SPAG17: variants seen among roughly 807,000 people sequenced by gnomAD.
The protein encoded by SPAG17 is sperm-associated antigen 17.
A neutral mutation model predicts 273.6 loss-of-function variants in SPAG17; 169 were observed. The ratio of observed to expected loss-of-function variants is 0.62; its 90% CI spans 0.55 to 0.70. The LOEUF (loss-of-function observed/expected upper bound fraction) is 0.70. SPAG17 is among the 30% of genes least tolerant of loss of function. The pLI is 0.00. For missense variants in SPAG17, 2,557 were observed against 2,627.8 expected (o/e 0.97, Z 0.59); for synonymous variants, 825 against 873.2 (o/e 0.94, Z 0.97).
chr1:118,127,032 C>T (rs1657775496), intron 3 of SPAG17, among the ~76,000 whole-genome samples: 1 of 152,102 alleles, frequency 6.6e-6, no homozygotes, highest in Admixed American at 6.5e-5. Context: ...TATTCTGTTC[C>T]ATTGGTCTGT....
At chr1:118,034,359 A>ACAAG (rs1648823182) in intron 24 of SPAG17, among the ~76,000 whole-genome samples, 2 of 152,202 alleles carry the variant, frequency 1.3e-5, no homozygotes, top group Non-Finnish European at 2.9e-5. Flanking sequence ...TACTGTGGCT[A>ACAAG]TACTGAACAC....
intron 15 of SPAG17, 124 bp downstream of exon 15, chr1:118,080,977 A>G: frequency 1.3e-6 from 1 of 757,306 alleles, no homozygotes; most frequent in Non-Finnish European, 2.2e-6. Flanking sequence ...ACTCAGTAAG[A>G]AAGTTTAATT....
At chr1:118,076,012 G>A (rs1043956107) in intron 15 of SPAG17, among the ~76,000 whole-genome samples, 5 of 151,930 alleles carry the variant, frequency 3.3e-5, no homozygotes, top group African/African-American at 1.2e-4. Flanking sequence ...CTGGAGAATA[G>A]AAACTTCATC....
chr1:118,045,316 C>T (rs1650227839), intron 20 of SPAG17, among the ~76,000 whole-genome samples: 1 of 152,164 alleles, frequency 6.6e-6, no homozygotes, highest in African/African-American at 2.4e-5. Context: ...CCCCAAACCC[C>T]TCAGGAGGGA....
chr1:118,063,791 A>T (rs1652624054), intron 18 of SPAG17, among the ~76,000 whole-genome samples: 1 of 152,216 alleles, frequency 6.6e-6, no homozygotes, highest in Non-Finnish European at 1.5e-5. Flanking sequence ...CATCAGAGTG[A>T]ACAGGCAACC....
intron 3 of SPAG17, among the ~76,000 whole-genome samples, chr1:118,119,936 C>T (rs551045789): frequency 3.3e-5 from 5 of 152,192 alleles, no homozygotes; most frequent in African/African-American, 4.8e-5. Flanking sequence ...GTTTTGCTTA[C>T]GTATATGGTT....
At chr1:118,023,798 T>C (rs1338758412) in intron 27 of SPAG17, among the ~76,000 whole-genome samples, 1 of 152,218 alleles carries the variant, frequency 6.6e-6, no homozygotes, top group Non-Finnish European at 1.5e-5. Flanking sequence ...GGAAATTATA[T>C]ACTCTATTTC....
chr1:118,108,060 G>A (rs375600882), intron 4 of SPAG17, among the ~76,000 whole-genome samples: 102 of 152,226 alleles, frequency 6.7e-4, no homozygotes, highest in Non-Finnish European at 1.0e-3. Flanking sequence ...GATCCAGGTC[G>A]AGATGTCTTT....
At chr1:117,997,988 G>C (rs1657846813) in intron 32 of SPAG17, among the ~76,000 whole-genome samples, 1 of 152,136 alleles carries the variant, frequency 6.6e-6, no homozygotes, top group Admixed American at 6.6e-5. Flanking sequence ...CTCCCATTCT[G>C]TAGGTTGTCT....
intron 1 of SPAG17, among the ~76,000 whole-genome samples, chr1:118,178,721 T>G (rs575231944): frequency 6.6e-6 from 1 of 152,016 alleles, no homozygotes; most frequent in East Asian, 1.9e-4. Context: ...AGAACTGATA[T>G]ATTCAGTAAA....
intron 48 of SPAG17, among the ~76,000 whole-genome samples, chr1:117,957,738 A>T (rs1652427947): frequency 6.6e-6 from 1 of 152,114 alleles, no homozygotes; most frequent in African/African-American, 2.4e-5. Context: ...AGTGTATTTT[A>T]TGTGTGGCCC....
At chr1:118,028,880 T>C (rs556375459) in intron 25 of SPAG17, among the ~76,000 whole-genome samples, 1 of 152,292 alleles carries the variant, frequency 6.6e-6, no homozygotes, top group African/African-American at 2.4e-5. Flanking sequence ...GGATTAGTGC[T>C]TTTAAAGAAG....
chr1:117,959,895 CA>C (rs1373343396), intron 48 of SPAG17: 1 of 152,514 alleles, frequency 6.6e-6, no homozygotes, highest in Non-Finnish European at 1.5e-5. Context: ...GCCCTTTGGC[CA>C]TAAAAATGCA....
intron 18 of SPAG17, among the ~76,000 whole-genome samples, chr1:118,066,528 T>C (rs1019854602): frequency 2.0e-5 from 3 of 152,216 alleles, no homozygotes; most frequent in African/African-American, 7.2e-5. Context: ...GAATGACACC[T>C]GTTTTCTTTA....
intron 20 of SPAG17, among the ~76,000 whole-genome samples, chr1:118,050,644 G>C (rs1384623381): frequency 6.6e-6 from 1 of 152,166 alleles, no homozygotes; most frequent in African/African-American, 2.4e-5. Context: ...CAAAATTGAG[G>C]AAGACCAAGT....
chr1:118,039,157 T>C, intron 23 of SPAG17, 135 bp downstream of exon 23: 2 of 912,920 alleles, frequency 2.2e-6, no homozygotes, highest in Admixed American at 5.3e-5. Flanking sequence ...GGCAACTTCA[T>C]GCACTATTAA....
intron 3 of SPAG17, among the ~76,000 whole-genome samples, chr1:118,123,690 G>A (rs1657545786): frequency 6.6e-6 from 1 of 152,156 alleles, no homozygotes; most frequent in Non-Finnish European, 1.5e-5. Context: ...AATAATTCCA[G>A]TCATTGGACC....
intron 36 of SPAG17, among the ~76,000 whole-genome samples, chr1:117,991,746 G>A (rs937853337): frequency 7.9e-5 from 12 of 152,182 alleles, no homozygotes; most frequent in African/African-American, 2.9e-4. Context: ...AAGGGCCACA[G>A]GATAGAACTG....
intron 40 of SPAG17, among the ~76,000 whole-genome samples, chr1:117,987,023 C>A (rs1162797722): frequency 6.6e-6 from 1 of 152,112 alleles, no homozygotes. Context: ...CTTGCTATAG[C>A]CCCCCAGCTT....
Sources: allele counts gnomAD v4.1 joint callset (sites outside exome capture counted in the v4.1 genomes callset), GRCh38; gene constraint gnomAD v4.1.1; transcripts MANE v1.5; gene names NCBI Gene and HGNC (gene_info 2026-07-23, HGNC 2026-07-21).